ZFP92: variants seen among roughly 807,000 people sequenced by gnomAD.
ZFP92 encodes the protein zinc finger protein 92 homolog.
In ZFP92, 2 loss-of-function variants were observed where a neutral mutation model predicts 7.6. That is an observed-to-expected ratio of 0.26 (90% CI 0.11 to 0.83). ZFP92 has a LOEUF of 0.83. Among genes scored for constraint, ZFP92 ranks in the 40% least tolerant of loss-of-function variants. The pLI, the probability that ZFP92 is intolerant of heterozygous loss-of-function variation, is 0.65. For missense variants in ZFP92, 324 were observed against 408.3 expected (o/e 0.79, Z 1.78); for synonymous variants, 226 against 183.6 (o/e 1.23, Z -1.87).
intron 4 of ZFP92, among the ~76,000 whole-genome samples, chrX:153,419,398 G>C (rs1556974491): frequency 8.9e-6 from 1 of 112,747 alleles, no homozygotes; most frequent in East Asian, 2.8e-4. Context: ...AGGAGTCACA[G>C]GCTAGACGGA....
rs1303589794 is a variant in ZFP92 at position 153,421,498 on chromosome X, G to C, written c.1121G>C (p.Arg374Pro). The stretch of plus-strand genomic sequence containing the variant: ...CACCAGGCAGTGCACGGCGCCAGGC[G>C]CCCTGCGAAGGCGGAGACGGCGCGG... ...FKHQAVHGAR[R>P]PAKAETARRL... The change falls in exon 6 of 6, where the codon CGC (arginine) becomes CCC (proline). Residue 374 changes from arginine to proline, a missense_variant. Physicochemically the swap from Arg to Pro is moderately radical, Grantham distance 103. Coordinates refer to ENST00000338647, the MANE Select transcript of ZFP92 (RefSeq NM_001136273.2). The C allele has an allele frequency of 8.7e-7, 1 of 1,144,298 alleles. No individual in the cohort carries two copies. Among genetic ancestry groups the C allele is most frequent in the Admixed American group, 2.6e-5 (1 of 37,837 alleles). 94.3% of individuals were successfully genotyped at this position (1,144,298 alleles called of 1,213,427 possible). A position where few individuals can be genotyped will look rare whatever the true frequency, so the allele number is the denominator to read the frequency against.
At chrX:153,412,270 G>A (rs2088914892) in intron 2 of ZFP92, among the ~76,000 whole-genome samples, 1 of 112,282 alleles carries the variant, frequency 8.9e-6, no homozygotes, top group Non-Finnish European at 1.9e-5. Context: ...TGGAAGTGGT[G>A]GGCAAGGGTG....
chrX:153,419,463 T>C, intron 4 of ZFP92, among the ~76,000 whole-genome samples: 1 of 112,391 alleles, frequency 8.9e-6, no homozygotes, highest in East Asian at 2.8e-4. Context: ...CGTCTGAGGG[T>C]GCCAGTGACT....
intron 3 of ZFP92, 70 bp downstream of exon 3, chrX:153,418,425 C>T (rs1441245630): frequency 8.9e-7 from 1 of 1,125,966 alleles, no homozygotes; most frequent in East Asian, 3.3e-5. Flanking sequence ...CATGCCCAGG[C>T]CTCTCCAGCT....
At chrX:153,418,915 T>TACTGG in intron 4 of ZFP92, 116 bp downstream of exon 4, 1 of 1,003,955 alleles carries the variant, frequency 1.0e-6, no homozygotes, top group Non-Finnish European at 1.3e-6. Context: ...ATAAATGCAT[T>TACTGG]TCTCCATCAG....
In ZFP92 at chrX:153,411,579, C is replaced by A. The variant is rs782540117; in HGVS notation, c.-192C>A. On this transcript the variant is annotated 5_prime_UTR_variant, in exon 1 of 6. Transcript: ENST00000338647. ...GTCGAGACAAGCCCAGGAGCCCCCA[C>A]CCCCCGCCCGCGTTTCCTGGGGACG... Among the ~76,000 whole-genome samples the A allele has an allele frequency of 1.8e-5, 2 of 112,857 alleles. No homozygotes were observed. The highest frequency in any genetic ancestry group is 3.8e-5 in the Non-Finnish European group (2 of 53,137).
chrX:153,415,858 A>G (rs896398761), intron 2 of ZFP92, among the ~76,000 whole-genome samples: 1 of 111,002 alleles, frequency 9.0e-6, no homozygotes, highest in Non-Finnish European at 1.9e-5. Context: ...TATCCATCCA[A>G]CACATGAGCA....
chrX:153,418,692 A>G lies in ZFP92; in HGVS notation c.53A>G (p.Asp18Gly). 1 of 1,167,195 alleles carries G rather than the reference A, an allele frequency of 8.6e-7. No individual in the cohort carries two copies. Among genetic ancestry groups the G allele is most frequent in the Non-Finnish European group, 1.1e-6 (1 of 872,938 alleles). The change falls in exon 4 of 6, where the codon GAT becomes GGT. Residue 18 changes from aspartate (D) to glycine (G), a missense_variant. Physicochemically the swap from Asp to Gly is moderately conservative, Grantham distance 94. Coordinates refer to ENST00000338647, the MANE Select transcript of ZFP92 (RefSeq NM_001136273.2). Reference sequence around the variant, plus strand: ...TTTTAGGTGCCAGTATCTTTTGAGGATGTGTCCGTGTACTTCACAAAGACA... The same window carrying G: ...TTTTAGGTGCCAGTATCTTTTGAGGGTGTGTCCGTGTACTTCACAAAGACA... Reference protein sequence around the residue: ...TRPKVPVSFEDVSVYFTKTEW... With the variant: ...TRPKVPVSFEGVSVYFTKTEW...
chrX:153,417,901 G>T (rs1156962115), intron 2 of ZFP92, among the ~76,000 whole-genome samples: 7 of 111,948 alleles, frequency 6.3e-5, no homozygotes, highest in East Asian at 2.8e-4. Flanking sequence ...ACAGACCAGG[G>T]AAATTGGGAC....
chrX:153,416,294 C>T (rs782440040), intron 2 of ZFP92, among the ~76,000 whole-genome samples: 2 of 111,826 alleles, frequency 1.8e-5, no homozygotes, highest in Non-Finnish European at 3.8e-5. Flanking sequence ...AGATTACTCT[C>T]TTGCAGCCCT....
At position 153,422,406 on chromosome X, in the gene ZFP92, G is replaced by T. The variant is rs1556975517; in HGVS notation, c.*778G>T. On this transcript the variant is annotated 3_prime_UTR_variant, in exon 6 of 6. Transcript: ENST00000338647. ...AGTGGTTCTGGGAATGGCTAGCCCA[G>T]GCCCTGCAGAGAGGATAAGACCCTT... 8.9e-6 allele frequency: 1 copy of T among 111,745 alleles called. No individual in the cohort carries two copies. Among genetic ancestry groups the T allele is most frequent in the Admixed American group, 9.4e-5 (1 of 10,603 alleles). The allele number at this position is 111,745 out of a possible 1,213,427, so 9.2% of individuals were successfully genotyped here.
rs1556975720 is a variant in ZFP92, at chrX:153,423,076, G to A, written c.*1448G>A. 8.9e-6 allele frequency: 1 copy of A among 112,525 alleles called. No individual in the cohort carries two copies. Among genetic ancestry groups the A allele is most frequent in the African/African-American group, 3.2e-5 (1 of 30,945 alleles). The allele number at this position is 112,525 out of a possible 1,213,427, so 9.3% of individuals were successfully genotyped here. The stretch of plus-strand genomic sequence containing the variant: ...AAGGAAAAGTCTCAGGGCTGGCAGA[G>A]GCAGCTGCTGGCAGGCCTTATCCTA... On this transcript the variant is annotated 3_prime_UTR_variant, in exon 6 of 6. Coordinates refer to ENST00000338647, the MANE Select transcript of ZFP92 (RefSeq NM_001136273.2).
intron 2 of ZFP92, among the ~76,000 whole-genome samples, chrX:153,414,962 G>C (rs782448538): frequency 2.9e-4 from 33 of 113,649 alleles, no homozygotes; most frequent in Non-Finnish European, 5.1e-4. Flanking sequence ...CTGCCAGGCA[G>C]GGCCACACAG....
rs781830933 is a variant in ZFP92 at position 153,422,186 on chromosome X, T to C, written c.*558T>C. 1.8e-5 allele frequency: 2 copies of C among 111,707 alleles called. No homozygotes were observed. The highest frequency in any genetic ancestry group is 6.5e-5 in the African/African-American group (2 of 30,807). 9.2% of individuals were successfully genotyped at this position (111,707 alleles called of 1,213,427 possible). ...GTTGTTAGTGTTCCCAAGTAGAAGA[T>C]ACTGAAAGCACTTTAATCCTTTAAG... On this transcript the variant is annotated 3_prime_UTR_variant, in exon 6 of 6. Transcript: ENST00000338647.
intron 2 of ZFP92, among the ~76,000 whole-genome samples, chrX:153,417,646 A>G (rs2088963746): frequency 8.9e-6 from 1 of 111,991 alleles, no homozygotes; most frequent in Non-Finnish European, 1.9e-5. Context: ...AAAGGAAAGA[A>G]GGAACGGGCT....
chrX:153,416,366 T>C (rs2088951433), intron 2 of ZFP92, among the ~76,000 whole-genome samples: 1 of 111,937 alleles, frequency 8.9e-6, no homozygotes, highest in Admixed American at 9.5e-5. Flanking sequence ...GTCTTTAACC[T>C]AATGGTTTAG....
At chrX:153,415,633 T>A (rs782776752) in intron 2 of ZFP92, among the ~76,000 whole-genome samples, 41 of 111,421 alleles carry the variant, frequency 3.7e-4, no homozygotes, top group Non-Finnish European at 6.8e-4. Context: ...AATTGCCGGG[T>A]CATATGATAA....
chrX:153,420,212 CAT>C lies in ZFP92; in HGVS notation c.161-13_161-12del. 1 of 1,157,902 alleles carries C rather than the reference CAT, an allele frequency of 8.6e-7. No individual in the cohort carries two copies. The highest frequency in any genetic ancestry group is 1.2e-6 in the Non-Finnish European group (1 of 865,540). On this transcript the variant is annotated splice_polypyrimidine_tract_variant and intron_variant, in intron 4 of 5. Transcript: ENST00000338647. ...CAGCCATAGTGGTCTTGACCTGCTT[CAT>C]ATTCCACGCCCAGGATTTTCCTTCT...
rs782388875 is a variant in ZFP92, at chrX:153,420,646, A to T, written c.269A>T (p.Asp90Val). The T allele has an allele frequency of 1.4e-5, 16 of 1,105,892 alleles. No homozygotes were observed. The highest frequency in any genetic ancestry group is 1.9e-5 in the Non-Finnish European group (16 of 843,643). The allele number at this position is 1,105,892 out of a possible 1,213,427, so 91.1% of individuals were successfully genotyped here. ...TWATAGLHIGDRTQSKTSTST... is the reference protein window; with the variant it reads ...TWATAGLHIGVRTQSKTSTST... Reference sequence around the variant, plus strand: ...GCCTGGTGCTCTGTCTTTCCAGGTGACAGAACACAGAGCAAGACGTCGACT... The same window carrying T: ...GCCTGGTGCTCTGTCTTTCCAGGTGTCAGAACACAGAGCAAGACGTCGACT... Residue 90 changes from aspartate (D) to valine (V), a missense_variant, in exon 6 of 6, where the codon GAC becomes GTC. Transcript: ENST00000338647.
Sources: allele counts gnomAD v4.1 joint callset (sites outside exome capture counted in the v4.1 genomes callset), GRCh38; gene constraint gnomAD v4.1.1; transcripts MANE v1.5; gene names NCBI Gene and HGNC (gene_info 2026-07-23, HGNC 2026-07-21).